Variants in TNRC6B observed in about 807,000 individuals in gnomAD.
TNRC6B encodes the protein trinucleotide repeat containing adaptor 6B, also known as trinucleotide repeat-containing gene 6B protein.
Under a neutral mutation model 203.6 loss-of-function variants are expected in TNRC6B, and 52 were observed. The ratio of observed to expected loss-of-function variants is 0.26; its 90% CI spans 0.20 to 0.32. The LOEUF (loss-of-function observed/expected upper bound fraction) is 0.32. Among genes scored for constraint, TNRC6B ranks in the 10% least tolerant of loss-of-function variants. TNRC6B has a pLI of 1.00. For missense variants in TNRC6B, 1,923 were observed against 2,286.2 expected, an observed-to-expected ratio of 0.84 and a Z score of 3.24; for synonymous variants, 838 against 845.7, an observed-to-expected ratio of 0.99 and a Z score of 0.16.
chr22:40,105,044 C>G (rs1460416027), intron 1 of TNRC6B, among the ~76,000 whole-genome samples: 1 of 152,080 alleles, frequency 6.6e-6, no homozygotes, highest in African/African-American at 2.4e-5. Flanking sequence ...ACATGGTTTT[C>G]TAGGCAGAGA....
intron 6 of TNRC6B, 99 bp from the exon 7 acceptor site, chr22:40,273,326 A>AT: frequency 8.4e-7 from 1 of 1,186,830 alleles, no homozygotes. Context: ...AGTAGATAAA[A>AT]TTACAAAGAC....
intron 1 of TNRC6B, among the ~76,000 whole-genome samples, chr22:40,082,689 T>C (rs957971996): frequency 2.0e-5 from 3 of 152,148 alleles, no homozygotes; most frequent in Admixed American, 1.3e-4. Context: ...TGCCATAGTT[T>C]AGGGAAGAGA....
rs542346654 is a variant in TNRC6B, at chr22:40,216,021, C to T, written c.6-29994C>T. ...TTGCAGGGACGTGAGTGGTCTGGCTCATTTACAAGCCTGGTCTCATCTCAC... is the reference window on the plus strand; with the variant it reads ...TTGCAGGGACGTGAGTGGTCTGGCTTATTTACAAGCCTGGTCTCATCTCAC... On this transcript the variant is annotated intron_variant, in intron 1 of 22. Transcript: ENST00000454349. Among the ~76,000 whole-genome samples the T allele has an allele frequency of 5.4e-4, 83 of 152,354 alleles. 1 individual carries two copies. The highest frequency in any genetic ancestry group is 9.1e-4 in the Non-Finnish European group (62 of 68,036).
At position 40,332,022 on chromosome 22, in the gene TNRC6B, G is replaced by A. The variant is rs1797724649; in HGVS notation, c.*8781G>A. ...AGCCGTGCAGTGTTAATCCAGTGCA[G>A]CAATGGAACTCCACAGGCTCCAGTG... On this transcript the variant is annotated 3_prime_UTR_variant, in exon 23 of 23. Coordinates refer to ENST00000454349, the MANE Select transcript of TNRC6B (RefSeq NM_001162501.2). 1 of 184,738 alleles carries A rather than the reference G, an allele frequency of 5.4e-6. No individual in the cohort carries two copies. Among genetic ancestry groups the A allele is most frequent in the Non-Finnish European group, 1.1e-5 (1 of 89,414 alleles). 11.4% of individuals were successfully genotyped at this position (184,738 alleles called of 1,614,324 possible).
chr22:40,144,237 T>C (rs917275659), intron 3 of TNRC6B, among the ~76,000 whole-genome samples: 13 of 152,240 alleles, frequency 8.5e-5, no homozygotes, highest in Non-Finnish European at 1.8e-4. Flanking sequence ...TAGAAATGAC[T>C]GCATAGATTT....
chr22:40,209,677 CG>C (rs1015045490), intron 1 of TNRC6B, among the ~76,000 whole-genome samples: 47 of 152,100 alleles, frequency 3.1e-4, no homozygotes, highest in Admixed American at 2.6e-3. Flanking sequence ...CTCTGAGCCT[CG>C]GTTTCCTCAT....
At chr22:40,174,520 G>A (rs149026635), upstream of TNRC6B, among the ~76,000 whole-genome samples, 87 of 152,274 alleles carry the variant, frequency 5.7e-4, 1 homozygote, top group Admixed American at 3.3e-3. Context: ...GGAATGGTAT[G>A]TAACCTCCAA....
chr22:40,185,322 G>C (rs2069186029), intron 1 of TNRC6B, among the ~76,000 whole-genome samples: 1 of 152,080 alleles, frequency 6.6e-6, no homozygotes, highest in Non-Finnish European at 1.5e-5. Context: ...TCTTTGGTAA[G>C]GTGTCCAAAG....
intron 1 of TNRC6B, among the ~76,000 whole-genome samples, chr22:40,052,187 ATTAAAAT>A (rs2067752244): frequency 1.3e-5 from 2 of 152,234 alleles, no homozygotes; most frequent in Non-Finnish European, 2.9e-5. Flanking sequence ...GGACCCTAAG[ATTAAAAT>A]TTAAGTTCTC....
chr22:40,100,067 ATTATTTATTTATTTAT>A (rs34836211), intron 1 of TNRC6B, among the ~76,000 whole-genome samples: 21 of 112,082 alleles, frequency 1.9e-4, no homozygotes, highest in East Asian at 1.8e-3. Context: ...TTTTATTTTT[ATTATTTATTTATTTAT>A]TTATTTATTT....
intron 11 of TNRC6B, among the ~76,000 whole-genome samples, chr22:40,283,039 T>C (rs1054447828): frequency 6.6e-6 from 1 of 152,012 alleles, no homozygotes; most frequent in Non-Finnish European, 1.5e-5. Flanking sequence ...TTTATTTATT[T>C]ATTTATTTAT....
At chr22:40,124,543 G>C (rs534102953) in intron 2 of TNRC6B, among the ~76,000 whole-genome samples, 5 of 151,972 alleles carry the variant, frequency 3.3e-5, no homozygotes, top group African/African-American at 1.2e-4. Context: ...TCTTGAACGC[G>C]TTAGCTCAAG....
At chr22:40,140,121 A>G (rs898316949) in intron 3 of TNRC6B, among the ~76,000 whole-genome samples, 9 of 152,166 alleles carry the variant, frequency 5.9e-5, no homozygotes, top group Middle Eastern at 6.8e-3. Flanking sequence ...TTTGTTTCCA[A>G]TTGTGAAGTC....
rs570851379 is a variant in TNRC6B, at chr22:40,106,369, C to T, written c.-120-10686C>T. 161 of 1,221,062 alleles carry T rather than the reference C, an allele frequency of 1.3e-4. No individual in the cohort carries two copies. The Admixed American group carries it at 1.5e-3, about 11-fold the overall frequency. The allele number at this position is 1,221,062 out of a possible 1,614,324, so 75.6% of individuals were successfully genotyped here. A position where few individuals can be genotyped will look rare whatever the true frequency, so the allele number is the denominator to read the frequency against. Reference sequence around the variant, plus strand: ...TTGATCTGGTCCTTCTTGTTGCCAGCATCTCCACCTTCTACAAAATGGGTG... The same window carrying T: ...TTGATCTGGTCCTTCTTGTTGCCAGTATCTCCACCTTCTACAAAATGGGTG... On this transcript the variant is annotated intron_variant, in intron 1 of 23. Coordinates refer to the TNRC6B transcript ENST00000301923.
intron 3 of TNRC6B, among the ~76,000 whole-genome samples, chr22:40,149,288 T>A (rs983683694): frequency 6.6e-6 from 1 of 152,158 alleles, no homozygotes; most frequent in Non-Finnish European, 1.5e-5. Context: ...TTGATTCCAC[T>A]TATGGAAGCT....
intron 1 of TNRC6B, among the ~76,000 whole-genome samples, chr22:40,213,500 C>G (rs1474879708): frequency 6.6e-6 from 1 of 152,142 alleles, no homozygotes; most frequent in Non-Finnish European, 1.5e-5. Flanking sequence ...TCACGGGAAG[C>G]CACTGAGGGA....
intron 4 of TNRC6B, among the ~76,000 whole-genome samples, chr22:40,165,208 T>C (rs2068908512): frequency 6.6e-6 from 1 of 151,428 alleles, no homozygotes; most frequent in Admixed American, 6.6e-5. Flanking sequence ...ACAGGGTCTC[T>C]CGCTGTCACC....
intron 3 of TNRC6B, among the ~76,000 whole-genome samples, chr22:40,149,116 G>C (rs1180854143): frequency 6.6e-6 from 1 of 152,104 alleles, no homozygotes; most frequent in Admixed American, 6.5e-5. Flanking sequence ...AGCAAAAATC[G>C]AAACAACTCA....
chr22:40,176,014 G>C (rs1244091622), upstream of TNRC6B, among the ~76,000 whole-genome samples: 3 of 152,176 alleles, frequency 2.0e-5, no homozygotes, highest in Non-Finnish European at 4.4e-5. Flanking sequence ...TCAGTTGTCT[G>C]CTGGCTGGCA....
Sources: gnomAD v4.1 joint callset for allele counts (sites outside exome capture counted in the v4.1 genomes callset) on GRCh38, gnomAD v4.1.1 for gene constraint, MANE v1.5 for transcripts, NCBI Gene and HGNC (gene_info 2026-07-23, HGNC 2026-07-21) for gene names.